The following UBXN4 variants were observed in gnomAD, a reference collection of about 807,000 sequenced individuals.
UBXN4 encodes the protein UBX domain-containing protein 4.
Under a neutral mutation model 66.2 loss-of-function variants are expected in UBXN4, and 35 were observed. That is an observed-to-expected ratio of 0.53 (90% CI 0.40 to 0.70). The LOEUF is 0.70. Among genes scored for constraint, UBXN4 ranks in the 30% least tolerant of loss-of-function variants. UBXN4 has a pLI of 0.00. For synonymous variants in UBXN4, 203 were observed against 204.5 expected (o/e 0.99, Z 0.06); for missense variants, 533 against 599.8 (o/e 0.89, Z 1.16).
At chr2:135,766,204 T>A (rs1039516980) in intron 6 of UBXN4, among the ~76,000 whole-genome samples, 1 of 151,396 alleles carries the variant, frequency 6.6e-6, no homozygotes, top group Non-Finnish European at 1.5e-5. Flanking sequence ...GAACAGTCAA[T>A]TTGTTATTAA....
chr2:135,742,339 C>T (rs1380859455), intron 1 of UBXN4, among the ~76,000 whole-genome samples: 2 of 152,172 alleles, frequency 1.3e-5, no homozygotes, highest in African/African-American at 2.4e-5. Context: ...GGCCCCACCG[C>T]TGCGTCTCCC....
chr2:135,750,560 T>G (rs1430003861), intron 2 of UBXN4, among the ~76,000 whole-genome samples: 1 of 152,138 alleles, frequency 6.6e-6, no homozygotes, highest in Non-Finnish European at 1.5e-5. Context: ...CCTATAAGTT[T>G]GTAAACTTTA....
In UBXN4 at chr2:135,784,269, A is replaced by G. The variant is rs1041027354; in HGVS notation, c.*1382A>G. The G allele has an allele frequency of 6.6e-6, 1 of 152,224 alleles. No individual in the cohort carries two copies. The highest frequency in any genetic ancestry group is 1.5e-5 in the Non-Finnish European group (1 of 68,030). The allele number at this position is 152,224 out of a possible 1,614,324, so 9.4% of individuals were successfully genotyped here. ...TATTTTACTCAAGAACTGGAAACCA[A>G]CTAAATGCCTTCTATAGAAGTAATT... On this transcript the variant is annotated 3_prime_UTR_variant, in exon 13 of 13. Coordinates refer to ENST00000272638, the MANE Select transcript of UBXN4 (RefSeq NM_014607.4).
At position 135,761,827 on chromosome 2, in the gene UBXN4, G is replaced by A; in HGVS notation, c.518G>A (p.Ser173Asn). 1 of 1,610,576 alleles carries A rather than the reference G, an allele frequency of 6.2e-7. No individual in the cohort carries two copies. The highest frequency in any genetic ancestry group is 8.5e-7 in the Non-Finnish European group (1 of 1,178,928). Residue 173 changes from serine to asparagine, a missense_variant, in exon 6 of 13, where the codon AGT (serine) becomes AAT (asparagine). By Grantham distance (46) the Ser-to-Asn change is conservative. Transcript: ENST00000272638. ...TKSDTATGGESAGHATSSQEP... is the reference protein window; with the variant it reads ...TKSDTATGGENAGHATSSQEP... ...TTATTTAATAATTAAGGAGGAGAAA[G>A]TGCAGGCCATGCCACTTCCTCTCAG...
chr2:135,759,920 A>G (rs974433342), intron 5 of UBXN4, among the ~76,000 whole-genome samples: 9 of 151,798 alleles, frequency 5.9e-5, no homozygotes, highest in African/African-American at 2.2e-4. Flanking sequence ...AGGCACCCGC[A>G]ACCATGCCCA....
chr2:135,768,737 A>G (rs1166261398), intron 6 of UBXN4, among the ~76,000 whole-genome samples: 1 of 150,954 alleles, frequency 6.6e-6, no homozygotes, highest in Non-Finnish European at 1.5e-5. Flanking sequence ...ATGTTTTTCT[A>G]TTTTTAGTAG....
chr2:135,744,546 TTTG>T (rs1428731377), intron 1 of UBXN4, among the ~76,000 whole-genome samples: 1 of 152,186 alleles, frequency 6.6e-6, no homozygotes, highest in African/African-American at 2.4e-5. Flanking sequence ...TAGGCCAAAC[TTTG>T]TTAATGATAG....
At chr2:135,754,878 G>A (rs1052054886) in intron 4 of UBXN4, among the ~76,000 whole-genome samples, 4 of 152,040 alleles carry the variant, frequency 2.6e-5, no homozygotes, top group African/African-American at 4.8e-5. Context: ...TCTACCTCCC[G>A]GGTTCGAGCG....
At chr2:135,776,589 ACTTTT>A (rs2077416284) in intron 10 of UBXN4, among the ~76,000 whole-genome samples, 1 of 152,028 alleles carries the variant, frequency 6.6e-6, no homozygotes, top group Admixed American at 6.6e-5. Flanking sequence ...GGTCCTGGGA[ACTTTT>A]CTTTTTTAAA....
At chr2:135,773,195 A>T (rs182572710) in intron 9 of UBXN4, among the ~76,000 whole-genome samples, 2 of 152,358 alleles carry the variant, frequency 1.3e-5, no homozygotes, top group East Asian at 3.9e-4. Flanking sequence ...AAGAGGAAAT[A>T]CATTGGCTCT....
chr2:135,757,393 G>A (rs1484510470), intron 5 of UBXN4, among the ~76,000 whole-genome samples: 1 of 152,150 alleles, frequency 6.6e-6, no homozygotes, highest in East Asian at 1.9e-4. Flanking sequence ...TGACTCATAA[G>A]TTACAGAAGT....
chr2:135,764,105 CAG>C (rs978313522), intron 6 of UBXN4, among the ~76,000 whole-genome samples: 10 of 151,278 alleles, frequency 6.6e-5, no homozygotes, highest in Admixed American at 5.3e-4. Flanking sequence ...GCCTGGGTGA[CAG>C]AGTGCTACTC....
At chr2:135,768,910 C>T (rs374534567) in intron 6 of UBXN4, among the ~76,000 whole-genome samples, 1 of 151,832 alleles carries the variant, frequency 6.6e-6, no homozygotes. Flanking sequence ...AGTTGTTACC[C>T]AGACTGGTTT....
At chr2:135,752,718 G>A (rs905097356) in intron 2 of UBXN4, among the ~76,000 whole-genome samples, 2 of 152,084 alleles carry the variant, frequency 1.3e-5, no homozygotes, top group African/African-American at 4.8e-5. Context: ...GGTTGTAAGA[G>A]CAAATAGTTC....
chr2:135,757,591 T>C (rs940878402), intron 5 of UBXN4, among the ~76,000 whole-genome samples: 2 of 152,158 alleles, frequency 1.3e-5, no homozygotes, highest in Non-Finnish European at 2.9e-5. Flanking sequence ...CATTTTCTTG[T>C]TTGTTCATAT....
intron 9 of UBXN4, 36 bp downstream of exon 9, chr2:135,772,583 T>C (rs375168453): frequency 7.5e-6 from 12 of 1,608,224 alleles, no homozygotes; most frequent in Non-Finnish European, 1.0e-5. Context: ...TCTGTGCACA[T>C]AGGGGCTGAG....
At position 135,761,942 on chromosome 2, in the gene UBXN4, GT is replaced by G. The variant is rs754924109; in HGVS notation, c.602+34del. 380 of 1,581,964 alleles carry G rather than the reference GT, an allele frequency of 2.4e-4. 2 individuals carry two copies. The highest frequency in any genetic ancestry group is 3.3e-4 in the Middle Eastern group (2 of 5,972). On this transcript the variant is annotated intron_variant, in intron 6 of 12. Transcript: ENST00000272638. ...CTCTTCTTTTTGCAAATAGCATTTT[GT>G]TTAAAAAGACAGTGGTTTTCAGTTA... is the stretch of plus-strand genomic sequence containing the variant.
intron 9 of UBXN4, 101 bp from the exon 10 acceptor site, chr2:135,776,146 CTA>C: frequency 2.2e-6 from 2 of 892,832 alleles, no homozygotes; most frequent in Non-Finnish European, 3.4e-6. Flanking sequence ...GTAGAAAAAA[CTA>C]TTGTCATTGC....
At chr2:135,755,831 T>G in intron 5 of UBXN4, 140 bp downstream of exon 5, 1 of 486,578 alleles carries the variant, frequency 2.1e-6, no homozygotes. Context: ...TCATATTAAA[T>G]ACACATGTGT....
Sources: allele counts gnomAD v4.1 joint callset (sites outside exome capture counted in the v4.1 genomes callset), GRCh38; gene constraint gnomAD v4.1.1; transcripts MANE v1.5; gene names NCBI Gene and HGNC (gene_info 2026-07-23, HGNC 2026-07-21).